The following TSHR variants were observed in gnomAD, a reference collection of about 807,000 sequenced individuals.
TSHR encodes the protein thyroid stimulating hormone receptor.
A neutral mutation model predicts 64.1 loss-of-function variants in TSHR; 51 were observed. The ratio of observed to expected loss-of-function variants is 0.80; its 90% CI spans 0.64 to 1.01. The LOEUF (loss-of-function observed/expected upper bound fraction) is 1.01, where lower values mean the gene tolerates loss of function less well. Ranked by LOEUF, TSHR falls within the 50% of genes least tolerant of loss-of-function variation. TSHR has a pLI of 0.00. For synonymous variants in TSHR, 361 were observed against 361.9 expected (o/e 1.00, Z 0.03); for missense variants, 877 against 942.8 (o/e 0.93, Z 0.91).
chr14:81,004,701 A>T (rs1889504518), intron 1 of TSHR, among the ~76,000 whole-genome samples: 1 of 152,174 alleles, frequency 6.6e-6, no homozygotes, highest in Non-Finnish European at 1.5e-5. Context: ...AGCAACCGCC[A>T]TGGTCATTGC....
At chr14:80,984,343 G>A (rs1888330910) in intron 1 of TSHR, among the ~76,000 whole-genome samples, 1 of 152,158 alleles carries the variant, frequency 6.6e-6, no homozygotes, top group African/African-American at 2.4e-5. Flanking sequence ...AAGAGAAGGT[G>A]GAAACATTTT....
chr14:81,082,429 T>G (rs1428630661), intron 3 of TSHR, among the ~76,000 whole-genome samples: 1 of 152,202 alleles, frequency 6.6e-6, no homozygotes, highest in Non-Finnish European at 1.5e-5. Context: ...TAAACTTGCT[T>G]CAAGCTAGCC....
At chr14:81,064,075 G>C (rs1032610728) in intron 2 of TSHR, among the ~76,000 whole-genome samples, 2 of 152,108 alleles carry the variant, frequency 1.3e-5, no homozygotes, top group African/African-American at 4.8e-5. Context: ...TAAGGGCTGA[G>C]CCATTCAATG....
rs1883428283 is a variant in TSHR, at chr14:81,016,644, T to G, written c.171-45504T>G. The stretch of plus-strand genomic sequence containing the variant: ...GATGTAATTCCACCTTTTGTTTGCT[T>G]CCTTTTATTGCCTGTGCTTTGGGGG... On this transcript the variant is annotated intron_variant, in intron 1 of 9. Coordinates refer to ENST00000298171, the MANE Select transcript of TSHR (RefSeq NM_000369.5). Among the ~76,000 whole-genome samples the G allele has an allele frequency of 2.0e-5, 3 of 152,176 alleles. No individual in the cohort carries two copies. In the South Asian group the frequency reaches 6.2e-4, roughly 31 times the overall value.
At chr14:81,053,852 A>G (rs903478895) in intron 1 of TSHR, 1 of 152,234 alleles carries the variant, frequency 6.6e-6, no homozygotes, top group African/African-American at 2.4e-5. Flanking sequence ...ATTCATAATT[A>G]GCAATAAAAA....
intron 1 of TSHR, among the ~76,000 whole-genome samples, chr14:81,027,997 G>A (rs1217101785): frequency 6.6e-6 from 1 of 152,108 alleles, no homozygotes; most frequent in Non-Finnish European, 1.5e-5. Flanking sequence ...AATGAGTGTA[G>A]CAGAAAAGAA....
intron 3 of TSHR, among the ~76,000 whole-genome samples, chr14:81,071,879 T>C (rs1189676456): frequency 1.3e-5 from 2 of 152,242 alleles, no homozygotes; most frequent in African/African-American, 2.4e-5. Context: ...TTCAGTAATA[T>C]TACATTTCAT....
intron 1 of TSHR, chr14:80,982,758 T>C (rs1888238275): frequency 3.0e-6 from 2 of 659,340 alleles, no homozygotes; most frequent in Non-Finnish European, 5.0e-6. Context: ...AAAATGCCTA[T>C]TCTTTGCCTG....
intron 1 of TSHR, among the ~76,000 whole-genome samples, chr14:80,989,319 A>C (rs908326007): frequency 2.0e-5 from 3 of 152,036 alleles, no homozygotes; most frequent in Non-Finnish European, 2.9e-5. Flanking sequence ...CTTTATTTCT[A>C]TGTTCTCGGC....
At chr14:81,010,639 AT>A (rs540773351) in intron 1 of TSHR, among the ~76,000 whole-genome samples, 3 of 152,002 alleles carry the variant, frequency 2.0e-5, no homozygotes, top group Admixed American at 6.6e-5. Context: ...TAAAATAACC[AT>A]TTTTTTCTCC....
intron 1 of TSHR, among the ~76,000 whole-genome samples, chr14:80,970,376 CAG>C (rs1887531294): frequency 6.6e-6 from 1 of 152,232 alleles, no homozygotes; most frequent in Non-Finnish European, 1.5e-5. Flanking sequence ...GCTGTAGTCA[CAG>C]AGTCACTTAG....
chr14:80,983,419 C>A, intron 1 of TSHR: 1 of 1,215,826 alleles, frequency 8.2e-7, no homozygotes, highest in Non-Finnish European at 1.1e-6. Flanking sequence ...TCTGAAAATC[C>A]AACTGCAGCC....
intron 1 of TSHR, among the ~76,000 whole-genome samples, chr14:81,023,367 T>C (rs899615101): frequency 6.6e-6 from 1 of 152,140 alleles, no homozygotes; most frequent in Non-Finnish European, 1.5e-5. Context: ...CACATGGGAA[T>C]TCAAGATAAA....
chr14:80,955,875 T>TAGGACCCAGAGATCAAGGGCATCTGCAG (rs376227433), intron 1 of TSHR, 25 bp downstream of exon 1: 52 of 1,613,880 alleles, frequency 3.2e-5, no homozygotes, highest in Non-Finnish European at 4.4e-5. Flanking sequence ...GAGATCAGGG[T>TAGGACCCAGAGATCAAGGGCATCTGCAG]AGGACCCAGA....
intron 1 of TSHR, among the ~76,000 whole-genome samples, chr14:81,007,458 T>G (rs1889661548): frequency 6.6e-6 from 1 of 152,206 alleles, no homozygotes; most frequent in Non-Finnish European, 1.5e-5. Context: ...AATTGGGATT[T>G]GTCTCTTTTT....
At chr14:80,960,995 C>G in intron 1 of TSHR, among the ~76,000 whole-genome samples, 1 of 152,214 alleles carries the variant, frequency 6.6e-6, no homozygotes, top group African/African-American at 2.4e-5. Context: ...GAGTAGTATC[C>G]TGTATGGGAG....
chr14:81,114,967 G>T (rs1337975371), intron 8 of TSHR, among the ~76,000 whole-genome samples: 2 of 152,146 alleles, frequency 1.3e-5, no homozygotes, highest in Non-Finnish European at 2.9e-5. Context: ...GCAGCTGAGG[G>T]TCCTGTCTGT....
At chr14:81,017,947 A>C (rs1883512501) in intron 1 of TSHR, among the ~76,000 whole-genome samples, 1 of 150,368 alleles carries the variant, frequency 6.7e-6, no homozygotes, top group African/African-American at 2.5e-5. Flanking sequence ...CTCCTGCCTC[A>C]GCCTCCTGAG....
chr14:80,999,926 C>CTTTTTTTTTTTTTTTTTTTTT (rs887541689), intron 1 of TSHR, among the ~76,000 whole-genome samples: 1 of 142,870 alleles, frequency 7.0e-6, no homozygotes. Flanking sequence ...AATTTTTTTT[C>CTTTTTTTTTTTTTTTTTTTTT]TTTTTTTTCT....
Sources: gnomAD v4.1 joint callset for allele counts (sites outside exome capture counted in the v4.1 genomes callset) on GRCh38, gnomAD v4.1.1 for gene constraint, MANE v1.5 for transcripts, NCBI Gene and HGNC (gene_info 2026-07-23, HGNC 2026-07-21) for gene names.